Variants in HS3ST4 observed in about 807,000 individuals in gnomAD.
HS3ST4 encodes heparan sulfate glucosamine 3-O-sulfotransferase 4.
HS3ST4 carries 17 observed loss-of-function variants against 29.2 expected under a neutral mutation model. The observed-to-expected ratio is 0.58, with a 90% CI of 0.40 to 0.87. HS3ST4 has a LOEUF of 0.87. HS3ST4 is among the 40% of genes least tolerant of loss of function. HS3ST4 has a pLI of 0.00. For synonymous variants in HS3ST4, 314 were observed against 285.7 expected (o/e 1.10, Z -1.00); for missense variants, 627 against 634.5 (o/e 0.99, Z 0.13).
chr16:25,889,198 C>T (rs780706281), intron 1 of HS3ST4, among the ~76,000 whole-genome samples: 5 of 152,192 alleles, frequency 3.3e-5, no homozygotes, highest in Admixed American at 2.6e-4. Context: ...GCAACACTTC[C>T]GGAGATGCAT....
chr16:25,754,983 A>G (rs1000086245), intron 1 of HS3ST4, among the ~76,000 whole-genome samples: 1 of 151,686 alleles, frequency 6.6e-6, no homozygotes, highest in Non-Finnish European at 1.5e-5. Context: ...CCACCCACCC[A>G]GTCATCCATC....
At chr16:25,841,825 G>C (rs1249515819) in intron 1 of HS3ST4, among the ~76,000 whole-genome samples, 12 of 152,246 alleles carry the variant, frequency 7.9e-5, no homozygotes, top group Non-Finnish European at 1.3e-4. Context: ...TCCCATTCTT[G>C]TAACTGTCAT....
intron 1 of HS3ST4, among the ~76,000 whole-genome samples, chr16:26,130,637 TAGA>T (rs1290514636): frequency 6.6e-6 from 1 of 152,220 alleles, no homozygotes; most frequent in African/African-American, 2.4e-5. Flanking sequence ...CTCTGGGAAT[TAGA>T]AGAAGTTCAT....
intron 1 of HS3ST4, among the ~76,000 whole-genome samples, chr16:25,821,112 C>T (rs113972355): frequency 0.18 from 26,583 of 146,018 alleles, 2,956 homozygotes; most frequent in Non-Finnish European, 0.25. Flanking sequence ...GGCTGGAGTG[C>T]AGTGGTGCGA....
At chr16:25,799,363 A>G (rs113829387) in intron 1 of HS3ST4, among the ~76,000 whole-genome samples, 1 of 152,230 alleles carries the variant, frequency 6.6e-6, no homozygotes, top group African/African-American at 2.4e-5. Flanking sequence ...AATAGAACAA[A>G]AAGTCCCCAA....
At chr16:25,790,737 C>T (rs960000265) in intron 1 of HS3ST4, among the ~76,000 whole-genome samples, 6 of 152,072 alleles carry the variant, frequency 3.9e-5, no homozygotes, top group African/African-American at 1.2e-4. Context: ...TTAAAAAAAT[C>T]GATTTGCTTT....
At chr16:25,710,570 G>A (rs1966408274) in intron 1 of HS3ST4, among the ~76,000 whole-genome samples, 1 of 152,046 alleles carries the variant, frequency 6.6e-6, no homozygotes, top group Non-Finnish European at 1.5e-5. Flanking sequence ...GAGAAACTAG[G>A]AGTAGAAATA....
chr16:26,038,654 TTATGTATGTATGTATG>T (rs551652348), intron 1 of HS3ST4, among the ~76,000 whole-genome samples: 2 of 149,634 alleles, frequency 1.3e-5, no homozygotes, highest in African/African-American at 2.5e-5. Context: ...TTTTTTTTAA[TTATGTATGTATGTATG>T]TATGTATGTA....
At chr16:25,793,600 A>G (rs959439345) in intron 1 of HS3ST4, among the ~76,000 whole-genome samples, 2 of 151,962 alleles carry the variant, frequency 1.3e-5, no homozygotes, top group African/African-American at 4.8e-5. Context: ...ACCTGTATCA[A>G]CTTAATTTTC....
chr16:25,980,813 A>G (rs1968996656), intron 1 of HS3ST4, among the ~76,000 whole-genome samples: 1 of 152,190 alleles, frequency 6.6e-6, no homozygotes, highest in Admixed American at 6.5e-5. Context: ...TCAGGGCCAT[A>G]TGGGGAAGAA....
At chr16:25,960,298 T>G (rs977403254) in intron 1 of HS3ST4, among the ~76,000 whole-genome samples, 1 of 152,210 alleles carries the variant, frequency 6.6e-6, no homozygotes, top group Non-Finnish European at 1.5e-5. Flanking sequence ...TCTGCAGAAC[T>G]GTGAGCCAAA....
At chr16:25,793,094 G>T (rs1966873424) in intron 1 of HS3ST4, among the ~76,000 whole-genome samples, 1 of 151,458 alleles carries the variant, frequency 6.6e-6, no homozygotes, top group African/African-American at 2.4e-5. Context: ...TTTTCCTTTG[G>T]TTATCAACCT....
chr16:25,956,265 C>T (rs770022056), intron 1 of HS3ST4, among the ~76,000 whole-genome samples: 7 of 152,192 alleles, frequency 4.6e-5, no homozygotes, highest in African/African-American at 7.2e-5. Context: ...ATTGGTCCCT[C>T]GCCCTAGGCA....
chr16:25,820,666 C>T (rs887174371), intron 1 of HS3ST4, among the ~76,000 whole-genome samples: 58 of 152,044 alleles, frequency 3.8e-4, no homozygotes, highest in Admixed American at 1.8e-3. Context: ...AACTCTTGGC[C>T]TCAAGAGATC....
intron 1 of HS3ST4, among the ~76,000 whole-genome samples, chr16:25,916,673 CTTTTTTT>C (rs34339195): frequency 9.8e-5 from 9 of 92,162 alleles, no homozygotes; most frequent in Non-Finnish European, 1.9e-4. Context: ...CAAATGCATT[CTTTTTTT>C]TTTTTTTTTT....
At chr16:25,705,009 C>T (rs868430996) in intron 1 of HS3ST4, among the ~76,000 whole-genome samples, 5 of 152,104 alleles carry the variant, frequency 3.3e-5, no homozygotes, top group African/African-American at 4.8e-5. Flanking sequence ...TGTGAGCCAC[C>T]GCACCCGGCC....
chr16:25,970,225 C>T (rs775728541), intron 1 of HS3ST4, among the ~76,000 whole-genome samples: 3 of 152,208 alleles, frequency 2.0e-5, no homozygotes, highest in Non-Finnish European at 4.4e-5. Context: ...ATTGCATGGG[C>T]TGCATTACCT....
intron 1 of HS3ST4, among the ~76,000 whole-genome samples, chr16:25,790,227 A>G (rs375235615): frequency 2.0e-5 from 3 of 152,140 alleles, no homozygotes; most frequent in South Asian, 4.1e-4. Context: ...CGTGGCCAAC[A>G]TGGTGAAACC....
At chr16:25,916,416 A>G (rs991726756) in intron 1 of HS3ST4, among the ~76,000 whole-genome samples, 6 of 151,844 alleles carry the variant, frequency 4.0e-5, no homozygotes, top group African/African-American at 1.5e-4. Flanking sequence ...AGGCTGGAGT[A>G]CAATGGCACT....
Sources: allele counts gnomAD v4.1 joint callset (sites outside exome capture counted in the v4.1 genomes callset), GRCh38; gene constraint gnomAD v4.1.1; transcripts MANE v1.5; gene names NCBI Gene and HGNC (gene_info 2026-07-23, HGNC 2026-07-21).